Variants in SCN9A observed in about 807,000 individuals in gnomAD.
The protein encoded by SCN9A is sodium voltage-gated channel alpha subunit 9, also known as sodium channel protein type 9 subunit alpha.
In SCN9A, 131 loss-of-function variants were observed where a neutral mutation model predicts 187.0. That is an observed-to-expected ratio of 0.70 (90% CI 0.61 to 0.81). The LOEUF is 0.81. Ranked by LOEUF, SCN9A falls within the 30% of genes least tolerant of loss-of-function variation. The pLI, the probability that SCN9A is intolerant of heterozygous loss-of-function variation, is 0.00. For missense variants in SCN9A, 2,252 were observed against 2,396.6 expected, an observed-to-expected ratio of 0.94 and a Z score of 1.26; for synonymous variants, 809 against 808.6, an observed-to-expected ratio of 1.00 and a Z score of -0.01.
chr2:166,304,035 A>G, intron 6 of SCN9A: 1 of 1,613,090 alleles, frequency 6.2e-7, no homozygotes, highest in East Asian at 2.2e-5. Flanking sequence ...TCTCACCTGG[A>G]ATGACTGAAA....
At chr2:166,288,040 A>G (rs950342479) in intron 10 of SCN9A, among the ~76,000 whole-genome samples, 3 of 146,332 alleles carry the variant, frequency 2.1e-5, no homozygotes, top group Non-Finnish European at 4.5e-5. Context: ...AATTATTCTA[A>G]AAGATTTTTC....
intron 7 of SCN9A, among the ~76,000 whole-genome samples, chr2:166,296,405 C>T (rs1288495625): frequency 2.0e-5 from 3 of 152,126 alleles, no homozygotes; most frequent in African/African-American, 7.2e-5. Flanking sequence ...TAAAGCCTTG[C>T]AGTTTGAGGT....
rs201069557 is a variant in SCN9A at position 166,277,002 on chromosome 2, A to G, written c.2855T>C (p.Met952Thr). The G allele has an allele frequency of 1.2e-5, 19 of 1,613,556 alleles. No individual in the cohort carries two copies. In the African/African-American group the frequency reaches 2.0e-4, roughly 17 times the overall value. Residue 952 changes from methionine (M) to threonine (T), a missense_variant, in exon 16 of 27, where the codon ATG becomes ACG. Physicochemically the swap from Met to Thr is moderately conservative, Grantham distance 81 (BLOSUM62 -1). Around this residue, in one of 7 missense-constraint regions of SCN9A, gnomAD observed 119 missense variants for 188.7 expected, o/e 0.63. Transcript: ENST00000642356. ...ACATACCACCAGGTTTCCAATGACC[A>G]TGACCATCATGTAAACAATAAGGCA... ...AMCLIVYMMV[M>T]VIGNLVVLNL... is the part of the protein sequence containing the mutation.
Position 166,286,602 on chromosome 2 carries a change from C to T in SCN9A, c.1336G>A (p.Glu446Lys), listed in dbSNP as rs1175228324. 9 of 1,559,308 alleles carry T rather than the reference C, an allele frequency of 5.8e-6. No individual in the cohort carries two copies. The Middle Eastern group carries it at 1.2e-3, about 209-fold the overall frequency. The change falls in exon 11 of 27, where the codon GAA becomes AAA. Residue 446 changes from glutamate (E) to lysine (K), a missense_variant. Physicochemically the swap from Glu to Lys is moderately conservative, Grantham distance 56. Around this residue, in one of 7 missense-constraint regions of SCN9A, gnomAD observed 1,013 missense variants for 997.4 expected, o/e 1.02. Coordinates refer to ENST00000642356, the MANE Select transcript of SCN9A (RefSeq NM_001365536.1). ...EAEAIAAAAA[E>K]YTSIRRSRIM... is the part of the protein sequence containing the mutation. ...CTGCTTCTCCTAATACTTGTATATT[C>T]AGCCGCTGCCGCTGCAATTGCCTGG...
intron 18 of SCN9A, among the ~76,000 whole-genome samples, chr2:166,248,480 T>A (rs746339564): frequency 1.3e-4 from 20 of 152,124 alleles, no homozygotes; most frequent in Non-Finnish European, 2.6e-4. Context: ...CCATCACCTC[T>A]CACCTGGATT....
rs1237732356 is a variant in SCN9A at position 166,337,890 on chromosome 2, GAACTC to G, written c.-50-26089_-50-26085del. Among the ~76,000 whole-genome samples the G allele has an allele frequency of 1.3e-4, 20 of 152,062 alleles. 1 individual carries two copies. Among genetic ancestry groups the G allele is most frequent in the Non-Finnish European group, 2.5e-4 (17 of 68,002 alleles). On this transcript the variant is annotated intron_variant, in intron 1 of 26. Transcript: ENST00000642356. ...TCTAGAATCATACTTGAACCAATAA[GAACTC>G]AATACATACCTCTATTATTGTTATT... is the stretch of plus-strand genomic sequence containing the variant.
rs149865252 is a variant in SCN9A at position 166,314,332 on chromosome 2, A to T, written c.-50-2526T>A. ...GAAGTATGCCTGTATTTTGATGGAA[A>T]CCAAAGTTAGGATAAAGGTTTTTAA... On this transcript the variant is annotated intron_variant, in intron 1 of 26. Coordinates refer to ENST00000642356, the MANE Select transcript of SCN9A (RefSeq NM_001365536.1). 7.1e-3 allele frequency among the ~76,000 whole-genome samples: 1,083 copies of T among 152,286 alleles called. 12 individuals carry two copies. Among genetic ancestry groups the T allele is most frequent in the Middle Eastern group, 0.037 (11 of 294 alleles).
chr2:166,361,513 G>A (rs1455913332), intron 1 of SCN9A, among the ~76,000 whole-genome samples: 2 of 152,108 alleles, frequency 1.3e-5, no homozygotes, highest in African/African-American at 4.8e-5. Context: ...TCTACAGGAT[G>A]TGGGCCTTGC....
chr2:166,364,358 G>A (rs7590179), intron 1 of SCN9A, among the ~76,000 whole-genome samples: 3 of 151,908 alleles, frequency 2.0e-5, no homozygotes, highest in African/African-American at 7.2e-5. Flanking sequence ...TAGAAGGGAC[G>A]CATGTAGTTA....
chr2:166,262,162 G>T (rs906862438), intron 17 of SCN9A, among the ~76,000 whole-genome samples: 48 of 151,784 alleles, frequency 3.2e-4, no homozygotes, highest in African/African-American at 9.9e-4. Context: ...GAAGCTACAA[G>T]AACTTGAATT....
At chr2:166,336,124 T>G (rs914344422) in intron 1 of SCN9A, among the ~76,000 whole-genome samples, 18 of 152,084 alleles carry the variant, frequency 1.2e-4, no homozygotes, top group African/African-American at 3.6e-4. Flanking sequence ...GAGGGACAAT[T>G]GTAATTGTAA....
intron 1 of SCN9A, among the ~76,000 whole-genome samples, chr2:166,338,320 C>A (rs1000330601): frequency 1.3e-5 from 2 of 151,956 alleles, no homozygotes; most frequent in African/African-American, 4.8e-5. Context: ...AAGATGACAC[C>A]CTCGGCATTG....
At chr2:166,374,976 T>C (rs1700654295) in intron 1 of SCN9A, among the ~76,000 whole-genome samples, 1 of 151,890 alleles carries the variant, frequency 6.6e-6, no homozygotes. Flanking sequence ...AAAACTGGCA[T>C]TAATGTTTCT....
At chr2:166,349,645 C>G (rs546879622) in intron 1 of SCN9A, among the ~76,000 whole-genome samples, 2 of 152,224 alleles carry the variant, frequency 1.3e-5, no homozygotes, top group African/African-American at 4.8e-5. Flanking sequence ...ACTATAAGGG[C>G]AATGCATTAT....
chr2:166,237,300 T>C (rs2106401811), intron 20 of SCN9A, among the ~76,000 whole-genome samples: 1 of 152,028 alleles, frequency 6.6e-6, no homozygotes, highest in Admixed American at 6.5e-5. Flanking sequence ...TATTTTAAGA[T>C]TTCTTCTCTA....
chr2:166,371,272 T>A (rs1400774725), intron 1 of SCN9A, among the ~76,000 whole-genome samples: 1 of 152,238 alleles, frequency 6.6e-6, no homozygotes, highest in Non-Finnish European at 1.5e-5. Flanking sequence ...AGATATAGAA[T>A]AATTCAGTTC....
At chr2:166,270,545 T>C (rs1287644117) in intron 17 of SCN9A, among the ~76,000 whole-genome samples, 3 of 152,036 alleles carry the variant, frequency 2.0e-5, no homozygotes, top group Non-Finnish European at 4.4e-5. Flanking sequence ...TATTTAATCA[T>C]TTATTCACTC....
intron 12 of SCN9A, among the ~76,000 whole-genome samples, 162 bp from the exon 13 acceptor site, chr2:166,281,970 G>A (rs191733575): frequency 7.2e-5 from 11 of 152,258 alleles, no homozygotes; most frequent in Admixed American, 7.2e-4. Flanking sequence ...TATCATAGGA[G>A]AGCTACTTAA....
At chr2:166,213,222 A>C (rs2106362201) in intron 24 of SCN9A, among the ~76,000 whole-genome samples, 2 of 151,872 alleles carry the variant, frequency 1.3e-5, no homozygotes, top group South Asian at 2.1e-4. Flanking sequence ...AAAATAGACA[A>C]ATCCTTAGCA....
Sources: allele counts gnomAD v4.1 joint callset (sites outside exome capture counted in the v4.1 genomes callset), GRCh38; gene constraint gnomAD v4.1.1; regional missense constraint gnomAD v4.1.1; transcripts MANE v1.5; gene names NCBI Gene and HGNC (gene_info 2026-07-23, HGNC 2026-07-21).